ZFHX3: variants seen among roughly 807,000 people sequenced by gnomAD.
ZFHX3 encodes the protein zinc finger homeobox protein 3.
ZFHX3 carries 42 observed loss-of-function variants against 279.1 expected under a neutral mutation model. The observed-to-expected ratio is 0.15, with a 90% confidence interval of 0.12 to 0.19. The LOEUF (loss-of-function observed/expected upper bound fraction) is 0.19. Ranked by LOEUF, ZFHX3 falls within the 10% of genes least tolerant of loss-of-function variation. The pLI is 1.00. For synonymous variants in ZFHX3, 2,293 were observed against 1,957.8 expected (o/e 1.17, Z -4.52); for missense variants, 4,981 against 4,754.0 (o/e 1.05, Z -1.40).
At chr16:73,440,088 C>G (rs538666766) in intron 3 of ZFHX3, among the ~76,000 whole-genome samples, 2 of 152,202 alleles carry the variant, frequency 1.3e-5, no homozygotes, top group South Asian at 4.2e-4. Flanking sequence ...GGAAACAGTA[C>G]ACAATTTGGA....
chr16:73,149,192 TTTATA>T (rs10680249), intron 5 of ZFHX3, among the ~76,000 whole-genome samples: 5 of 147,442 alleles, frequency 3.4e-5, no homozygotes, highest in African/African-American at 7.4e-5. Context: ...TATATTTTAC[TTTATA>T]TTATATTTTA....
At chr16:73,526,893 G>C (rs759226486) in intron 2 of ZFHX3, among the ~76,000 whole-genome samples, 3 of 151,316 alleles carry the variant, frequency 2.0e-5, no homozygotes, top group East Asian at 3.9e-4. Context: ...TCTAGTATTC[G>C]GTACCTCTTT....
exon 7 of ZFHX3, chr16:73,131,005 G>C: frequency 2.3e-6 from 3 of 1,305,144 alleles, no homozygotes; most frequent in Non-Finnish European, 3.0e-6. Context: ...AGCTGGTGGC[G>C]CTGGTTCTGG....
At chr16:73,286,775 C>T (rs1364275694) in intron 4 of ZFHX3, among the ~76,000 whole-genome samples, 3 of 121,008 alleles carry the variant, frequency 2.5e-5, no homozygotes, top group Non-Finnish European at 5.1e-5. Flanking sequence ...TGGTGTGTGG[C>T]TGTGTGGGTC....
At chr16:72,931,520 G>A (rs1305600068) in intron 3 of ZFHX3, among the ~76,000 whole-genome samples, 5 of 143,966 alleles carry the variant, frequency 3.5e-5, no homozygotes, top group African/African-American at 1.3e-4. Flanking sequence ...TAGCCAAGGA[G>A]ATTAACTTCC....
intron 3 of ZFHX3, among the ~76,000 whole-genome samples, chr16:73,384,258 G>A (rs2016862058): frequency 6.6e-6 from 1 of 152,212 alleles, no homozygotes; most frequent in Non-Finnish European, 1.5e-5. Context: ...GGCTGTTTTT[G>A]AGCTGTTAAC....
At chr16:73,537,311 CTTCTTT>C (rs2019919586) in intron 2 of ZFHX3, among the ~76,000 whole-genome samples, 1 of 113,074 alleles carries the variant, frequency 8.8e-6, no homozygotes, top group African/African-American at 3.1e-5. Context: ...CTTCTTTCTT[CTTCTTT>C]TTTTTTTTTT....
At chr16:73,158,100 C>G (rs1009897837) in intron 5 of ZFHX3, among the ~76,000 whole-genome samples, 6 of 152,158 alleles carry the variant, frequency 3.9e-5, no homozygotes, top group South Asian at 2.1e-4. Flanking sequence ...AAAAAAATTA[C>G]CAGCACATTA....
At chr16:73,700,953 G>A (rs536193728) in intron 1 of ZFHX3, among the ~76,000 whole-genome samples, 4 of 152,242 alleles carry the variant, frequency 2.6e-5, no homozygotes, top group African/African-American at 9.6e-5. Context: ...CATACCAAAA[G>A]CTTGTGAAAG....
intron 3 of ZFHX3, among the ~76,000 whole-genome samples, chr16:73,337,999 G>A (rs1219992848): frequency 2.7e-5 from 4 of 148,796 alleles, no homozygotes; most frequent in African/African-American, 7.4e-5. Flanking sequence ...ACTAAAACTC[G>A]TGCATACTCT....
chr16:73,493,204 G>A (rs943312287), intron 2 of ZFHX3, among the ~76,000 whole-genome samples: 4 of 152,082 alleles, frequency 2.6e-5, no homozygotes, highest in African/African-American at 9.7e-5. Flanking sequence ...AACAGACTAT[G>A]CATCACTTTC....
At chr16:73,253,720 G>A (rs939922058) in intron 5 of ZFHX3, among the ~76,000 whole-genome samples, 2 of 151,978 alleles carry the variant, frequency 1.3e-5, no homozygotes, top group Non-Finnish European at 2.9e-5. Context: ...CTCCCAAAGT[G>A]CTGGGATTAC....
chr16:72,952,739 C>A (rs1034172802), intron 2 of ZFHX3, among the ~76,000 whole-genome samples: 9 of 152,206 alleles, frequency 5.9e-5, no homozygotes, highest in Non-Finnish European at 1.0e-4. Context: ...CTGCATAAAC[C>A]GGGTACAAGC....
In ZFHX3 at chr16:72,788,547, C is replaced by T; in HGVS notation, c.9729G>A (p.Lys3243=). The T allele has an allele frequency of 1.9e-6, 3 of 1,614,158 alleles. No homozygotes were observed. The highest frequency in any genetic ancestry group is 2.5e-6 in the Non-Finnish European group (3 of 1,180,034). The part of the protein sequence containing the change: ...KDKDSEKVKE[K]EKAHKGKGEP... ...CCCCTTTCCCTTTGTGTGCCTTTTC[C>T]TTCTCCTTTACTTTCTCACTGTCTT... Residue 3243 remains lysine, a synonymous_variant, in exon 10 of 10, where the codon AAG becomes AAA. Transcript: ENST00000268489.
chr16:73,380,350 C>G (rs1003824951), intron 3 of ZFHX3, among the ~76,000 whole-genome samples: 7 of 152,170 alleles, frequency 4.6e-5, no homozygotes, highest in African/African-American at 1.7e-4. Flanking sequence ...AGAGGGAATC[C>G]AAGATTTTTT....
At chr16:73,693,053 G>A (rs945352934) in intron 1 of ZFHX3, among the ~76,000 whole-genome samples, 1 of 152,168 alleles carries the variant, frequency 6.6e-6, no homozygotes, top group African/African-American at 2.4e-5. Context: ...CAGCAGCTAT[G>A]ACTCTCTAGG....
chr16:73,814,288 C>T (rs529002880), intron 1 of ZFHX3, among the ~76,000 whole-genome samples: 1 of 152,054 alleles, frequency 6.6e-6, no homozygotes, highest in Non-Finnish European at 1.5e-5. Context: ...CTCTTTCTTA[C>T]TGTAAAGCCA....
intron 3 of ZFHX3, among the ~76,000 whole-genome samples, chr16:73,451,855 C>T (rs1440566864): frequency 6.6e-6 from 1 of 152,198 alleles, no homozygotes; most frequent in African/African-American, 2.4e-5. Flanking sequence ...AGAACTGTTC[C>T]ATGTGATAAA....
At chr16:73,642,637 T>C (rs147502274) in intron 2 of ZFHX3, among the ~76,000 whole-genome samples, 2 of 152,232 alleles carry the variant, frequency 1.3e-5, no homozygotes, top group East Asian at 3.9e-4. Context: ...TGTTAATACA[T>C]TATATAAATA....
Sources: allele counts gnomAD v4.1 joint callset (sites outside exome capture counted in the v4.1 genomes callset), GRCh38; gene constraint gnomAD v4.1.1; transcripts MANE v1.5; gene names NCBI Gene and HGNC (gene_info 2026-07-23, HGNC 2026-07-21).